Variants in CCDC186 observed in about 807,000 individuals in gnomAD.
CCDC186 encodes the protein coiled-coil domain-containing protein 186.
A neutral mutation model predicts 113.7 loss-of-function variants in CCDC186; 49 were observed. The ratio of observed to expected loss-of-function variants is 0.43; its 90% CI spans 0.34 to 0.55. The LOEUF is 0.55. Among genes scored for constraint, CCDC186 ranks in the 20% least tolerant of loss-of-function variants. The probability of loss-of-function intolerance (pLI) is 0.02; values close to 1 mark genes in which losing one functional copy is unlikely to be tolerated. For synonymous variants in CCDC186, 355 were observed against 345.8 expected, an observed-to-expected ratio of 1.03 and a Z score of -0.30; for missense variants, 890 against 1,011.1, an observed-to-expected ratio of 0.88 and a Z score of 1.62.
chr10:114,147,333 T>C lies in CCDC186; in HGVS notation c.889-1572A>G, dbSNP rs73355747. Among the ~76,000 whole-genome samples, 283 of 152,228 alleles carry C rather than the reference T, an allele frequency of 1.9e-3. 2 individuals are homozygous for C. The highest frequency in any genetic ancestry group is 6.6e-3 in the African/African-American group (272 of 41,478). The stretch of plus-strand genomic sequence containing the variant: ...TATAGTAAATGAATGTACAAAGTCC[T>C]TCAAAACATGAAAATACTTACATCC... On this transcript the variant is annotated intron_variant, in intron 4 of 15. Transcript: ENST00000369287.
At chr10:114,168,627 T>A (rs1254690570) in intron 1 of CCDC186, among the ~76,000 whole-genome samples, 1 of 152,158 alleles carries the variant, frequency 6.6e-6, no homozygotes, top group African/African-American at 2.4e-5. Flanking sequence ...CAACCCCTTA[T>A]GAGTCATCCC....
At chr10:114,128,487 A>C (rs1479528208) in intron 13 of CCDC186, among the ~76,000 whole-genome samples, 1 of 152,190 alleles carries the variant, frequency 6.6e-6, no homozygotes, top group Non-Finnish European at 1.5e-5. Flanking sequence ...CCTAATGTGC[A>C]ACCTCTGGGA....
At chr10:114,133,413 A>G (rs905675744) in intron 10 of CCDC186, among the ~76,000 whole-genome samples, 2 of 152,208 alleles carry the variant, frequency 1.3e-5, no homozygotes, top group African/African-American at 2.4e-5. Flanking sequence ...TGGAAATGCT[A>G]AAGTTTGAGG....
At chr10:114,127,928 G>A (rs1225406808) in intron 13 of CCDC186, among the ~76,000 whole-genome samples, 1 of 152,102 alleles carries the variant, frequency 6.6e-6, no homozygotes, top group Non-Finnish European at 1.5e-5. Context: ...AGTCTAAAGT[G>A]AGACCAAAAT....
intron 3 of CCDC186, among the ~76,000 whole-genome samples, chr10:114,156,987 G>T (rs1243792595): frequency 1.3e-5 from 2 of 151,906 alleles, no homozygotes. Context: ...TGCTTATTTT[G>T]AACATAACAG....
intron 6 of CCDC186, among the ~76,000 whole-genome samples, chr10:114,141,756 G>T (rs1398294142): frequency 6.6e-6 from 1 of 152,042 alleles, no homozygotes; most frequent in African/African-American, 2.4e-5. Context: ...CTGGGACTCT[G>T]CCTTGGTTCC....
chr10:114,168,321 T>C (rs935029011), intron 1 of CCDC186: 1 of 152,190 alleles, frequency 6.6e-6, no homozygotes, highest in Non-Finnish European at 1.5e-5. Context: ...TGGAACTTAT[T>C]TTTTAATGAA....
intron 4 of CCDC186, among the ~76,000 whole-genome samples, chr10:114,146,522 C>T (rs1348422109): frequency 2.0e-5 from 3 of 152,166 alleles, no homozygotes; most frequent in Non-Finnish European, 4.4e-5. Flanking sequence ...GTAAAGCTTT[C>T]TGAAGCATTT....
chr10:114,160,393 G>A (rs973791485), intron 2 of CCDC186, among the ~76,000 whole-genome samples: 1 of 152,172 alleles, frequency 6.6e-6, no homozygotes, highest in African/African-American at 2.4e-5. Context: ...GAAAAGGGGA[G>A]ATATTGGCCA....
intron 2 of CCDC186, among the ~76,000 whole-genome samples, chr10:114,159,556 T>C (rs933740928): frequency 7.1e-5 from 10 of 140,632 alleles, no homozygotes; most frequent in Non-Finnish European, 1.2e-4. Context: ...GGCAGGAAAA[T>C]CGCTTGAACC....
rs1188076527 is a variant in CCDC186, at chr10:114,122,421, G to A, written c.*2722C>T. The A allele has an allele frequency of 6.6e-6, 1 of 152,034 alleles. No homozygotes were observed. Among genetic ancestry groups the A allele is most frequent in the Non-Finnish European group, 1.5e-5 (1 of 68,006 alleles). 9.4% of individuals were successfully genotyped at this position (152,034 alleles called of 1,614,324 possible). A position where few individuals can be genotyped will look rare whatever the true frequency, so the allele number is the denominator to read the frequency against. On this transcript the variant is annotated 3_prime_UTR_variant, in exon 16 of 16. Coordinates refer to ENST00000369287, the MANE Select transcript of CCDC186 (RefSeq NM_018017.4). ...CAGGCTAAAGTCTGAAGTGGTATGGGGAAAATGGAGTCATGGCAAATATTC... is the reference window on the plus strand; with the variant it reads ...CAGGCTAAAGTCTGAAGTGGTATGGAGAAAATGGAGTCATGGCAAATATTC...
chr10:114,160,994 C>T (rs539464533), intron 2 of CCDC186, among the ~76,000 whole-genome samples: 11 of 152,310 alleles, frequency 7.2e-5, no homozygotes, highest in Non-Finnish European at 1.5e-4. Flanking sequence ...AAGAGGTTGA[C>T]TTGGCCAAGA....
At chr10:114,171,212 C>A (rs79044794) in intron 1 of CCDC186, among the ~76,000 whole-genome samples, 1,597 of 152,034 alleles carry the variant, frequency 0.011, 20 homozygotes, top group African/African-American at 0.037. Context: ...AAAAAAAAAT[C>A]TGACCTATAG....
At chr10:114,145,801 GT>G in intron 4 of CCDC186, 40 bp from the exon 5 acceptor site, 1 of 1,507,500 alleles carries the variant, frequency 6.6e-7, no homozygotes, top group Non-Finnish European at 8.9e-7. Flanking sequence ...GAAAAATAAT[GT>G]TTCAAATGGA....
At chr10:114,149,749 G>GA (rs1467535182) in intron 4 of CCDC186, among the ~76,000 whole-genome samples, 1 of 40,056 alleles carries the variant, frequency 2.5e-5, no homozygotes, top group Non-Finnish European at 5.8e-5. Flanking sequence ...AGGAAGGCAG[G>GA]AAGGCAGGAA....
rs145767788 is a variant in CCDC186, at chr10:114,125,941, T to C, written c.2558A>G (p.Asn853Ser). The stretch of plus-strand genomic sequence containing the variant: ...CTCCAAAACAGCCTGTAATTTTCGG[T>C]TGATTTCCAAAGAGAGCTCCAATGT... Reference protein sequence around the residue: ...GLTLELSLEINRKLQAVLEDT... With the variant: ...GLTLELSLEISRKLQAVLEDT... The change falls in exon 15 of 16, where the codon AAC becomes AGC. Residue 853 changes from asparagine (N) to serine (S), a missense_variant. Transcript: ENST00000369287. The C allele has an allele frequency of 2.5e-5, 40 of 1,614,036 alleles. No homozygotes were observed. In the Admixed American group the frequency reaches 3.2e-4, roughly 13 times the overall value.
At chr10:114,133,333 A>G (rs2031152807) in intron 10 of CCDC186, among the ~76,000 whole-genome samples, 1 of 152,190 alleles carries the variant, frequency 6.6e-6, no homozygotes. Flanking sequence ...CTGGACAGTC[A>G]CATGGATGCT....
intron 1 of CCDC186, 68 bp downstream of exon 1, chr10:114,173,947 G>C: frequency 4.4e-6 from 2 of 455,872 alleles, no homozygotes; most frequent in Admixed American, 4.8e-5. Context: ...AGGAGCGGAA[G>C]GCTGGCAGCC....
intron 4 of CCDC186, among the ~76,000 whole-genome samples, chr10:114,146,926 C>T (rs2031656240): frequency 6.6e-6 from 1 of 152,140 alleles, no homozygotes; most frequent in Admixed American, 6.5e-5. Flanking sequence ...ACTGAGAATG[C>T]TATACATACA....
Sources: allele counts gnomAD v4.1 joint callset (sites outside exome capture counted in the v4.1 genomes callset), GRCh38; gene constraint gnomAD v4.1.1; transcripts MANE v1.5; gene names NCBI Gene and HGNC (gene_info 2026-07-23, HGNC 2026-07-21).